Variants in ADGRF5 observed in about 807,000 individuals in gnomAD.
ADGRF5 encodes the protein G-protein coupled receptor 116.
Under a neutral mutation model 132.3 loss-of-function variants are expected in ADGRF5, and 75 were observed. The observed-to-expected ratio is 0.57, with a 90% confidence interval of 0.47 to 0.69. The LOEUF (loss-of-function observed/expected upper bound fraction) is 0.69, where lower values mean the gene tolerates loss of function less well. Among genes scored for constraint, ADGRF5 ranks in the 30% least tolerant of loss-of-function variants. The pLI, the probability that ADGRF5 is intolerant of heterozygous loss-of-function variation, is 0.00. For missense variants in ADGRF5, 1,516 were observed against 1,630.6 expected, an observed-to-expected ratio of 0.93 and a Z score of 1.21; for synonymous variants, 629 against 597.6, an observed-to-expected ratio of 1.05 and a Z score of -0.77.
intron 2 of ADGRF5, among the ~76,000 whole-genome samples, chr6:46,901,682 A>T (rs1318368166): frequency 1.3e-5 from 2 of 152,094 alleles, no homozygotes; most frequent in Non-Finnish European, 2.9e-5. Context: ...CAGAGTCTGC[A>T]CTTGTCCACG....
intron 1 of ADGRF5, among the ~76,000 whole-genome samples, chr6:46,914,759 G>A (rs1776282304): frequency 6.6e-6 from 1 of 151,950 alleles, no homozygotes; most frequent in Non-Finnish European, 1.5e-5. Flanking sequence ...GTTTCCCTAA[G>A]CCATGGCAAA....
At chr6:46,953,380 G>T (rs1561846505) in intron 1 of ADGRF5, among the ~76,000 whole-genome samples, 2 of 151,988 alleles carry the variant, frequency 1.3e-5, no homozygotes, top group African/African-American at 4.8e-5. Flanking sequence ...CCAGCATTTT[G>T]GGAGGCCAAA....
In ADGRF5 at chr6:46,882,064, G is replaced by T; in HGVS notation, c.656C>A (p.Thr219Asn). 6.2e-7 allele frequency: 1 copy of T among 1,609,886 alleles called. No homozygotes were observed. Among genetic ancestry groups the T allele is most frequent in the Non-Finnish European group, 8.5e-7 (1 of 1,176,202 alleles). ...YGILPGFKGV[T>N]VTGFKSGSVV... ...GTATTCTTACTTGAACCCTGTCACA[G>T]TCACGCCCTTGAAGCCTGGTAAAAT... The change falls in exon 7 of 21, where the codon ACT (threonine) becomes AAT (asparagine). Residue 219 changes from threonine to asparagine, a missense_variant. Thr to Asn is a moderately conservative substitution (Grantham distance 65, BLOSUM62 0). Transcript: ENST00000283296.
intron 1 of ADGRF5, among the ~76,000 whole-genome samples, chr6:46,947,444 G>A (rs552818300): frequency 6.6e-6 from 1 of 152,340 alleles, no homozygotes; most frequent in East Asian, 1.9e-4. Flanking sequence ...GCACACTCAT[G>A]CACACAAATG....
chr6:46,949,714 G>A (rs1457577869), intron 1 of ADGRF5, among the ~76,000 whole-genome samples: 1 of 152,172 alleles, frequency 6.6e-6, no homozygotes, highest in Non-Finnish European at 1.5e-5. Context: ...AGAAATCAGG[G>A]CCAAAGCTCT....
chr6:46,913,033 T>C (rs2150910337), intron 1 of ADGRF5, among the ~76,000 whole-genome samples: 1 of 152,348 alleles, frequency 6.6e-6, no homozygotes, highest in Non-Finnish European at 1.5e-5. Flanking sequence ...ATACTTTTTC[T>C]AATAAATTTG....
intron 1 of ADGRF5, among the ~76,000 whole-genome samples, chr6:46,941,418 AAAGAAAAGAAAAG>A (rs1267267663): frequency 5.5e-4 from 26 of 47,370 alleles, no homozygotes; most frequent in East Asian, 1.9e-3. Flanking sequence ...AAAGAAAAGA[AAAGAAAAGAAAAG>A]AAAAGAAAAG....
intron 10 of ADGRF5, among the ~76,000 whole-genome samples, chr6:46,875,703 A>G (rs761228688): frequency 6.6e-6 from 1 of 152,126 alleles, no homozygotes; most frequent in Non-Finnish European, 1.5e-5. Flanking sequence ...CTTGAACCCC[A>G]GGAGCGGAGG....
chr6:46,922,096 T>C (rs1433471512), upstream of ADGRF5: 2 of 152,236 alleles, frequency 1.3e-5, no homozygotes, highest in Admixed American at 1.3e-4. Context: ...GTTTGGCCAA[T>C]GCCCCTAGTT....
intron 3 of ADGRF5, among the ~76,000 whole-genome samples, chr6:46,894,081 G>C (rs147737343): frequency 2.6e-3 from 391 of 152,318 alleles, no homozygotes; most frequent in African/African-American, 8.5e-3. Context: ...GGAGAAAAGA[G>C]ATTGGTTGGT....
chr6:46,860,757 C>T lies in ADGRF5; in HGVS notation c.2337G>A (p.Leu779=). 1 of 1,613,794 alleles carries T rather than the reference C, an allele frequency of 6.2e-7. No homozygotes were observed. The highest frequency in any genetic ancestry group is 8.5e-7 in the Non-Finnish European group (1 of 1,179,728). The part of the protein sequence containing the change: ...SLGAIINILD[L]LSTVPTQVNS... The stretch of plus-strand genomic sequence containing the variant: ...TTACTTGGGTTGGAACTGTTGAGAG[C>T]AGATCAAGGATGTTAATAATGGCTC... The change falls in exon 16 of 21, where the codon CTG becomes CTA. Residue 779 remains leucine (L), a synonymous_variant. Transcript: ENST00000283296.
At chr6:46,897,187 C>T (rs905790941) in intron 3 of ADGRF5, among the ~76,000 whole-genome samples, 9 of 148,722 alleles carry the variant, frequency 6.1e-5, no homozygotes, top group Non-Finnish European at 1.3e-4. Context: ...CATATAAATT[C>T]AAGGGGCCAG....
chr6:46,864,555 C>A (rs561591592), intron 14 of ADGRF5, among the ~76,000 whole-genome samples: 19 of 143,516 alleles, frequency 1.3e-4, no homozygotes, highest in African/African-American at 4.5e-4. Context: ...GAGACGGAAT[C>A]TCTCTGTCGC....
intron 1 of ADGRF5, among the ~76,000 whole-genome samples, chr6:46,940,882 T>G (rs907209110): frequency 1.6e-4 from 25 of 151,846 alleles, no homozygotes; most frequent in Non-Finnish European, 7.3e-5. Context: ...GATAAGGGAT[T>G]TAGTAATTCT....
At chr6:46,885,677 T>C (rs1416120181) in intron 4 of ADGRF5, among the ~76,000 whole-genome samples, 23 of 152,184 alleles carry the variant, frequency 1.5e-4, no homozygotes, top group Admixed American at 1.5e-3. Context: ...TGCATTTTCA[T>C]CTCCCAGAGT....
At chr6:46,894,966 C>G (rs1164392957) in intron 3 of ADGRF5, among the ~76,000 whole-genome samples, 1 of 152,150 alleles carries the variant, frequency 6.6e-6, no homozygotes, top group Non-Finnish European at 1.5e-5. Context: ...ATCATGAGGT[C>G]AGGAGATGGA....
chr6:46,878,536 T>A, intron 9 of ADGRF5, 131 bp from the exon 10 acceptor site: 1 of 641,970 alleles, frequency 1.6e-6, no homozygotes, highest in Non-Finnish European at 2.7e-6. Context: ...AGACTTGGTC[T>A]AAAGACGCCT....
chr6:46,931,784 A>G (rs1777567839), intron 1 of ADGRF5, among the ~76,000 whole-genome samples: 1 of 152,200 alleles, frequency 6.6e-6, no homozygotes, highest in African/African-American at 2.4e-5. Flanking sequence ...CACTAAAAGA[A>G]TGACTAACAT....
intron 2 of ADGRF5, among the ~76,000 whole-genome samples, chr6:46,902,713 T>C (rs1044984858): frequency 1.3e-5 from 2 of 152,220 alleles, no homozygotes; most frequent in African/African-American, 4.8e-5. Context: ...CACAGCTCTG[T>C]CACCTACAGC....
Sources: gnomAD v4.1 joint callset for allele counts (sites outside exome capture counted in the v4.1 genomes callset) on GRCh38, gnomAD v4.1.1 for gene constraint, MANE v1.5 for transcripts, NCBI Gene and HGNC (gene_info 2026-07-23, HGNC 2026-07-21) for gene names.